The following SAMSN1 variants were observed in gnomAD, a reference collection of about 807,000 sequenced individuals.
SAMSN1 encodes SAM domain, SH3 domain and nuclear localization signals 1.
In SAMSN1, 31 loss-of-function variants were observed where a neutral mutation model predicts 42.0. The observed-to-expected ratio is 0.74, with a 90% CI of 0.55 to 1.00. SAMSN1 has a LOEUF of 1.00. SAMSN1 is among the 50% of genes least tolerant of loss of function. The pLI is 0.00. For missense variants in SAMSN1, 464 were observed against 439.4 expected, an observed-to-expected ratio of 1.06 and a Z score of -0.50; for synonymous variants, 178 against 151.9, an observed-to-expected ratio of 1.17 and a Z score of -1.26.
intron 2 of SAMSN1, among the ~76,000 whole-genome samples, chr21:14,622,304 T>G (rs1446930592): frequency 6.6e-6 from 1 of 152,218 alleles, no homozygotes; most frequent in Non-Finnish European, 1.5e-5. Flanking sequence ...GAAGAAGGCT[T>G]CAGATGATCA....
At chr21:14,499,549 A>T (rs1484315316) in intron 6 of SAMSN1, among the ~76,000 whole-genome samples, 2 of 151,850 alleles carry the variant, frequency 1.3e-5, no homozygotes, top group Non-Finnish European at 2.9e-5. Context: ...TCTTTAAAAA[A>T]GTATATTCTT....
rs1568776015 is a variant in SAMSN1 at position 14,510,376 on chromosome 21, A to G, written c.495T>C (p.Cys165=). ...AATCCGTATGCACTCTGGCACGGCC[A>G]CAGAATGGTCCTGAATAGGGGCCAT... ...DDDGPYSGPF[C]GRARVHTDFT... is the part of the protein sequence containing the mutation. Residue 165 remains cysteine, a synonymous_variant, in exon 5 of 8, where the codon TGT becomes TGC. Transcript: ENST00000400566. 1 of 1,614,072 alleles carries G rather than the reference A, an allele frequency of 6.2e-7. No individual in the cohort carries two copies. Among genetic ancestry groups the G allele is most frequent in the Non-Finnish European group, 8.5e-7 (1 of 1,180,038 alleles).
intron 2 of SAMSN1, among the ~76,000 whole-genome samples, chr21:14,620,162 T>C (rs1195949595): frequency 6.6e-6 from 1 of 152,188 alleles, no homozygotes; most frequent in Non-Finnish European, 1.5e-5. Flanking sequence ...TCTGCTGTTT[T>C]CTTAATTTCC....
chr21:14,531,519 T>G (rs866131531), intron 1 of SAMSN1, among the ~76,000 whole-genome samples: 7 of 152,012 alleles, frequency 4.6e-5, no homozygotes, highest in Middle Eastern at 3.2e-3. Context: ...TCTCAAAAAT[T>G]TTTTATTATC....
intron 5 of SAMSN1, among the ~76,000 whole-genome samples, chr21:14,506,534 A>G (rs1357336075): frequency 6.6e-6 from 1 of 152,212 alleles, no homozygotes; most frequent in East Asian, 1.9e-4. Flanking sequence ...ACAATCAATG[A>G]TATTGAAATG....
intron 4 of SAMSN1, chr21:14,612,414 T>A (rs1982731765): frequency 4.5e-6 from 1 of 220,170 alleles, no homozygotes; most frequent in Admixed American, 5.2e-5. Flanking sequence ...ACCAAACTGA[T>A]TGCATGTATT....
chr21:14,588,448 G>A (rs1167738849), intron 7 of SAMSN1, among the ~76,000 whole-genome samples: 1 of 149,454 alleles, frequency 6.7e-6, no homozygotes, highest in Admixed American at 6.7e-5. Context: ...TCTAACTGGT[G>A]TGAGATGGTA....
intron 2 of SAMSN1, among the ~76,000 whole-genome samples, chr21:14,632,832 A>G (rs1983366476): frequency 6.6e-6 from 1 of 152,154 alleles, no homozygotes; most frequent in Admixed American, 6.5e-5. Flanking sequence ...CAATTTCCTG[A>G]AGGCTGTTGG....
intron 2 of SAMSN1, among the ~76,000 whole-genome samples, chr21:14,564,940 A>G (rs912408881): frequency 1.3e-5 from 2 of 152,122 alleles, no homozygotes; most frequent in African/African-American, 4.8e-5. Flanking sequence ...AGCAACTGAA[A>G]TTGAGCAGAG....
chr21:14,643,533 C>T (rs1374778293), intron 1 of SAMSN1, among the ~76,000 whole-genome samples: 3 of 152,158 alleles, frequency 2.0e-5, no homozygotes, highest in African/African-American at 7.2e-5. Flanking sequence ...TACCACCTCC[C>T]TTTATAAGAA....
upstream of SAMSN1, chr21:14,585,524 G>A (rs1488955111): frequency 6.6e-6 from 1 of 152,110 alleles, no homozygotes; most frequent in East Asian, 1.9e-4. Context: ...GCATTTGGAA[G>A]GTATCTGAAT....
intron 2 of SAMSN1, among the ~76,000 whole-genome samples, chr21:14,574,230 T>C (rs1156848467): frequency 6.6e-6 from 1 of 152,212 alleles, no homozygotes; most frequent in Non-Finnish European, 1.5e-5. Context: ...CCTCCTTCTA[T>C]TTGAGAATCC....
At position 14,486,039 on chromosome 21, in the gene SAMSN1, T is replaced by A; in HGVS notation, c.995A>T (p.Asp332Val). The A allele has an allele frequency of 1.2e-6, 2 of 1,613,544 alleles. No homozygotes were observed. Among genetic ancestry groups the A allele is most frequent in the Non-Finnish European group, 1.7e-6 (2 of 1,179,550 alleles). The part of the protein sequence containing the change: ...SDISLNKSQL[D>V]DCPRDSGCYI... ...GCAACCAGAGTCCCTTGGGCAGTCA[T>A]CTAACTGTGACTTATTTAAGGAGAT... Residue 332 changes from aspartate (D) to valine (V), a missense_variant, in exon 8 of 8, where the codon GAT (aspartate) becomes GTT (valine). Coordinates refer to ENST00000400566, the MANE Select transcript of SAMSN1 (RefSeq NM_022136.5).
intron 1 of SAMSN1, among the ~76,000 whole-genome samples, chr21:14,542,875 A>AGGTTAG (rs762042335): frequency 3.8e-4 from 58 of 152,088 alleles, no homozygotes; most frequent in Non-Finnish European, 7.5e-4. Context: ...TCCACCCAGG[A>AGGTTAG]GGTTAGGGTT....
At chr21:14,523,693 T>G (rs1978645980) in intron 1 of SAMSN1, among the ~76,000 whole-genome samples, 1 of 152,192 alleles carries the variant, frequency 6.6e-6, no homozygotes, top group African/African-American at 2.4e-5. Flanking sequence ...GTAGCCTATA[T>G]ATAGCCTGTT....
chr21:14,628,327 C>T (rs1983235450), intron 2 of SAMSN1, among the ~76,000 whole-genome samples: 1 of 151,966 alleles, frequency 6.6e-6, no homozygotes, highest in African/African-American at 2.4e-5. Context: ...GATGGACGTG[C>T]TACTTACTCT....
At chr21:14,500,780 A>C in intron 5 of SAMSN1, 45 bp from the exon 6 acceptor site, 1 of 1,387,604 alleles carries the variant, frequency 7.2e-7, no homozygotes, top group South Asian at 1.2e-5. Context: ...AGAGAACCTC[A>C]CTGATAGAAA....
At chr21:14,605,807 GATTT>G (rs567638495) in intron 5 of SAMSN1, among the ~76,000 whole-genome samples, 8,204 of 143,982 alleles carry the variant, frequency 0.057, 253 homozygotes, top group Non-Finnish European at 0.064. Flanking sequence ...ATGTAAAGAA[GATTT>G]ATTTATTTAT....
intron 2 of SAMSN1, among the ~76,000 whole-genome samples, chr21:14,620,627 G>C (rs965365524): frequency 1.3e-5 from 2 of 152,178 alleles, no homozygotes; most frequent in Non-Finnish European, 2.9e-5. Context: ...AAAAAGAATT[G>C]CAAGTAGTCT....
Sources: allele counts gnomAD v4.1 joint callset (sites outside exome capture counted in the v4.1 genomes callset), GRCh38; gene constraint gnomAD v4.1.1; transcripts MANE v1.5; gene names NCBI Gene and HGNC (gene_info 2026-07-23, HGNC 2026-07-21).